Variants in ENO2 observed in about 807,000 individuals in gnomAD.
ENO2 encodes gamma-enolase.
Under a neutral mutation model 48.7 loss-of-function variants are expected in ENO2, and 19 were observed. The ratio of observed to expected loss-of-function variants is 0.39; its 90% CI spans 0.27 to 0.57. The LOEUF is 0.57. Ranked by LOEUF, ENO2 falls within the 20% of genes least tolerant of loss-of-function variation. The pLI, the probability that ENO2 is intolerant of heterozygous loss-of-function variation, is 0.58. For synonymous variants in ENO2, 198 were observed against 213.4 expected (o/e 0.93, Z 0.63); for missense variants, 416 against 555.0 (o/e 0.75, Z 2.52).
rs782710311 is a variant in ENO2, at chr12:6,919,783, G to A, written c.865+20G>A. The A allele has an allele frequency of 6.2e-7, 1 of 1,610,874 alleles. No homozygotes were observed. Among genetic ancestry groups the A allele is most frequent in the Non-Finnish European group, 8.5e-7 (1 of 1,178,276 alleles). On this transcript the variant is annotated intron_variant, in intron 8 of 11. Transcript: ENST00000229277. ...ATCCTGGTGAGAGGAAGTGGTGTGAGGGGGAGGTCTGGGGGCAGGCAGGGA... is the reference window on the plus strand; with the variant it reads ...ATCCTGGTGAGAGGAAGTGGTGTGAAGGGGAGGTCTGGGGGCAGGCAGGGA...
rs140873913 is a variant in ENO2, at chr12:6,917,136, A to G, written c.310+29A>G. ...AGCCGGGGCCGGGAGAAAGTGGGGA[A>G]GCGTCAGGGTGGGGAGGCGTGGAGC... On this transcript the variant is annotated intron_variant, in intron 5 of 11. Transcript: ENST00000229277. 4,382 of 1,613,264 alleles carry G rather than the reference A, an allele frequency of 2.7e-3. 27 individuals carry two copies. The highest frequency in any genetic ancestry group is 0.02 in the East Asian group (900 of 44,860).
intron 1 of ENO2, chr12:6,915,382 T>G: frequency 5.2e-6 from 1 of 193,644 alleles, no homozygotes; most frequent in Admixed American, 5.2e-5. Flanking sequence ...GTTGGGGAGG[T>G]ATGGGGGCTC....
chr12:6,916,763 C>T lies in ENO2; in HGVS notation c.240+34C>T, dbSNP rs782471300. 143 of 1,612,810 alleles carry T rather than the reference C, an allele frequency of 8.9e-5. No homozygotes were observed. Among genetic ancestry groups the T allele is most frequent in the Non-Finnish European group, 1.2e-4 (137 of 1,179,256 alleles). Reference sequence around the variant, plus strand: ...TGCTCTTTGCTGGGGATAGCAGGGCCAGAGTTCTGGAAGGAATCCCGGAGC... The same window carrying T: ...TGCTCTTTGCTGGGGATAGCAGGGCTAGAGTTCTGGAAGGAATCCCGGAGC... On this transcript the variant is annotated intron_variant, in intron 4 of 11. Coordinates refer to ENST00000229277, the MANE Select transcript of ENO2 (RefSeq NM_001975.3). This position sits in a 1 kb window ranked among gnomAD's most constrained non-coding sequence, Gnocchi z 4.5.
At chr12:6,921,991 GGT>G in intron 9 of ENO2, 63 bp from the exon 10 acceptor site, 1 of 1,601,826 alleles carries the variant, frequency 6.2e-7, no homozygotes, top group Non-Finnish European at 8.6e-7. Flanking sequence ...CATAGACCAA[GGT>G]TGGGGCTGGG....
chr12:6,919,813 T>A, intron 8 of ENO2, 50 bp downstream of exon 8: 1 of 1,593,596 alleles, frequency 6.3e-7, no homozygotes, highest in Non-Finnish European at 8.6e-7. Flanking sequence ...CAGGGACGTG[T>A]CCCAGCAACT....
Position 6,914,966 on chromosome 12 carries a change from C to G in ENO2, c.-13+307C>G, listed in dbSNP as rs2138181142. Among the ~76,000 whole-genome samples the G allele has an allele frequency of 6.6e-6, 1 of 152,318 alleles. No homozygotes were observed. Among genetic ancestry groups the G allele is most frequent in the African/African-American group, 2.4e-5 (1 of 41,560 alleles). Reference sequence around the variant, plus strand: ...AAGTTGGGAGCCTCTCCGGGCGGTGCATTTTTATCCTAGAGCGTCCCTTTT... The same window carrying G: ...AAGTTGGGAGCCTCTCCGGGCGGTGGATTTTTATCCTAGAGCGTCCCTTTT... On this transcript the variant is annotated intron_variant, in intron 1 of 11. Transcript: ENST00000229277. The surrounding 1 kb of genome is among the most constrained non-coding windows in gnomAD (Gnocchi z 7.1).
chr12:6,917,507 G>A, intron 5 of ENO2, 74 bp from the exon 6 acceptor site: 1 of 1,547,606 alleles, frequency 6.5e-7, no homozygotes, highest in East Asian at 2.2e-5. Flanking sequence ...TCCTTTTGGA[G>A]ACTACAGATG....
At position 6,915,897 on chromosome 12, in the gene ENO2, T is replaced by C; in HGVS notation, c.65T>C (p.Val22Ala). 6.2e-7 allele frequency: 1 copy of C among 1,613,736 alleles called. No homozygotes were observed. The highest frequency in any genetic ancestry group is 8.5e-7 in the Non-Finnish European group (1 of 1,179,900). Reference sequence around the variant, plus strand: ...TCCCGCGGGAACCCCACAGTGGAGGTGGATCTCTATACTGCCAAAGGTAAT... The same window carrying C: ...TCCCGCGGGAACCCCACAGTGGAGGCGGATCTCTATACTGCCAAAGGTAAT... Reference protein sequence around the residue: ...LDSRGNPTVEVDLYTAKGLFR... With the variant: ...LDSRGNPTVEADLYTAKGLFR... Residue 22 changes from valine (V) to alanine (A), a missense_variant, in exon 2 of 12, where the codon GTG becomes GCG. Val to Ala is a moderately conservative substitution (Grantham distance 64, BLOSUM62 0). Transcript: ENST00000229277.
intron 8 of ENO2, 25 bp from the exon 9 acceptor site, chr12:6,921,556 C>A (rs1014624269): frequency 6.8e-6 from 11 of 1,613,106 alleles, no homozygotes; most frequent in South Asian, 1.1e-5. Context: ...ACACCTCCCC[C>A]CTCCCCACCA....
At chr12:6,921,993 T>A (rs1016742223) in intron 9 of ENO2, 63 bp from the exon 10 acceptor site, 4 of 1,601,400 alleles carry the variant, frequency 2.5e-6, no homozygotes, top group Non-Finnish European at 3.4e-6. Flanking sequence ...TAGACCAAGG[T>A]TGGGGCTGGG....
At chr12:6,918,867 A>G (rs1440238830) in intron 7 of ENO2, among the ~76,000 whole-genome samples, 1 of 151,356 alleles carries the variant, frequency 6.6e-6, no homozygotes, top group Admixed American at 6.6e-5. Flanking sequence ...CTGTAATCAC[A>G]GATACTAGCG....
In ENO2 at chr12:6,922,911, G is replaced by C; in HGVS notation, c.*111G>C. ...GATCCCCTGAGCCCCAGGGTGCCCA[G>C]AACTTCCCTGATTGACCTGCTCCGC... On this transcript the variant is annotated 3_prime_UTR_variant, in exon 12 of 12. Transcript: ENST00000229277. The surrounding 1 kb of genome is among the most constrained non-coding windows in gnomAD (Gnocchi z 5.3). The C allele has an allele frequency of 6.0e-6, 7 of 1,165,788 alleles. No individual in the cohort carries two copies. The highest frequency in any genetic ancestry group is 7.6e-6 in the Non-Finnish European group (6 of 792,318). 72.2% of individuals were successfully genotyped at this position (1,165,788 alleles called of 1,614,324 possible). A position where few individuals can be genotyped will look rare whatever the true frequency, so the allele number is the denominator to read the frequency against.
chr12:6,921,403 AAAGTT>A (rs1288118269), intron 8 of ENO2, 173 bp from the exon 9 acceptor site: 11 of 631,926 alleles, frequency 1.7e-5, no homozygotes, highest in Non-Finnish European at 3.0e-5. Flanking sequence ...AAAAAAAAAA[AAAGTT>A]AAGAATCAGT....
At chr12:6,921,976 C>T in intron 9 of ENO2, 80 bp from the exon 10 acceptor site, 1 of 1,587,692 alleles carries the variant, frequency 6.3e-7, no homozygotes, top group Non-Finnish European at 8.6e-7. Context: ...CTAGATGTTT[C>T]CTGACATAGA....
chr12:6,918,237 C>G, intron 7 of ENO2, 75 bp downstream of exon 7: 1 of 1,510,086 alleles, frequency 6.6e-7, no homozygotes. Flanking sequence ...ACACAGTTCA[C>G]CAAGTCCTGA....
Position 6,922,103 on chromosome 12 carries a change from G to T in ENO2, c.1115G>T (p.Arg372Leu), listed in dbSNP as rs1367609148. The change falls in exon 10 of 12, where the codon CGC becomes CTC. Residue 372 changes from arginine (R) to leucine (L), a missense_variant. By Grantham distance (102) the Arg-to-Leu change is moderately radical. Coordinates refer to ENST00000229277, the MANE Select transcript of ENO2 (RefSeq NM_001975.3). This position sits in a 1 kb window ranked among gnomAD's most constrained non-coding sequence, Gnocchi z 5.3. ...ENGWGVMVSH[R>L]SGETEDTFIA... ...GGCTGGGGGGTCATGGTGAGTCATC[G>T]CTCAGGAGAGACTGAGGACACATTC... 1 of 1,614,006 alleles carries T rather than the reference G, an allele frequency of 6.2e-7. No individual in the cohort carries two copies. Among genetic ancestry groups the T allele is most frequent in the Non-Finnish European group, 8.5e-7 (1 of 1,180,028 alleles).
chr12:6,921,915 C>T (rs1945344667), intron 9 of ENO2, 133 bp downstream of exon 9: 3 of 1,477,292 alleles, frequency 2.0e-6, no homozygotes, highest in South Asian at 1.2e-5. Flanking sequence ...AGTTCTCTCA[C>T]CTCTGCCCCT....
intron 7 of ENO2, among the ~76,000 whole-genome samples, 169 bp downstream of exon 7, chr12:6,918,331 C>T (rs1433285395): frequency 6.6e-6 from 1 of 151,824 alleles, no homozygotes; most frequent in African/African-American, 2.4e-5. Context: ...GCCAAATTCA[C>T]ATGCAGACCT....
chr12:6,922,748 G>T lies in ENO2; in HGVS notation c.1253G>T (p.Gly418Val), dbSNP rs1555142247. 1 of 1,614,000 alleles carries T rather than the reference G, an allele frequency of 6.2e-7. No homozygotes were observed. ...NQLMRIEEEL[G>V]DEARFAGHNF... ...TCTCTCAGAATTGAGGAAGAGCTGG[G>T]GGATGAAGCTCGCTTTGCCGGACAT... Residue 418 changes from glycine (G) to valine (V), a missense_variant, in exon 12 of 12, where the codon GGG (glycine) becomes GTG (valine). Transcript: ENST00000229277. This position sits in a 1 kb window ranked among gnomAD's most constrained non-coding sequence, Gnocchi z 5.3.
Sources: gnomAD v4.1 joint callset for allele counts (sites outside exome capture counted in the v4.1 genomes callset) on GRCh38, gnomAD v4.1.1 for gene constraint, Gnocchi (gnomAD v3.1) non-coding constraint, MANE v1.5 for transcripts, NCBI Gene and HGNC (gene_info 2026-07-23, HGNC 2026-07-21) for gene names.